Variants in NEDD9 observed in about 807,000 individuals in gnomAD.
The protein encoded by NEDD9 is neural precursor cell expressed, developmentally down-regulated 9, also known as enhancer of filamentation 1.
A neutral mutation model predicts 76.6 loss-of-function variants in NEDD9; 26 were observed. That is an observed-to-expected ratio of 0.34 (90% CI 0.25 to 0.47). The LOEUF (loss-of-function observed/expected upper bound fraction) is 0.47, where lower values mean the gene tolerates loss of function less well. NEDD9 is among the 20% of genes least tolerant of loss of function. NEDD9 has a pLI of 1.00. For missense variants in NEDD9, 937 were observed against 1,058.5 expected, an observed-to-expected ratio of 0.89 and a Z score of 1.59; for synonymous variants, 392 against 414.2, an observed-to-expected ratio of 0.95 and a Z score of 0.65.
At chr6:11,305,648 C>T (rs1023664029) in intron 3 of NEDD9, among the ~76,000 whole-genome samples, 7 of 152,138 alleles carry the variant, frequency 4.6e-5, no homozygotes, top group Non-Finnish European at 7.3e-5. Flanking sequence ...TATTTCCAAA[C>T]GTGGGCAATC....
intron 1 of NEDD9, among the ~76,000 whole-genome samples, chr6:11,373,358 A>C (rs956752238): frequency 6.6e-6 from 1 of 152,228 alleles, no homozygotes; most frequent in Non-Finnish European, 1.5e-5. Flanking sequence ...TTTAGACCTG[A>C]GGTCCTCAGT....
At chr6:11,317,761 A>G (rs1761619128) in intron 2 of NEDD9, among the ~76,000 whole-genome samples, 1 of 152,200 alleles carries the variant, frequency 6.6e-6, no homozygotes, top group African/African-American at 2.4e-5. Flanking sequence ...TGCACCCGAG[A>G]ACAGGAAGGC....
At position 11,370,544 on chromosome 6, in the gene NEDD9, C is replaced by A. The variant is rs1762857391; in HGVS notation, c.-214+11595G>T. Among the ~76,000 whole-genome samples the A allele has an allele frequency of 6.6e-6, 1 of 152,160 alleles. No individual in the cohort carries two copies. The highest frequency in any genetic ancestry group is 2.4e-5 in the African/African-American group (1 of 41,434). ...GGCTCTCCTCAAGCCGCCTTTTCTT[C>A]CCCTCACAATCTCCTCATGCTTTTC... On this transcript the variant is annotated intron_variant, in intron 1 of 3. Coordinates refer to the NEDD9 transcript ENST00000397378. This position sits in a 1 kb window ranked among gnomAD's most constrained non-coding sequence, Gnocchi z 4.2.
rs946975540 is a variant in NEDD9, at chr6:11,316,964, A to C, written c.-152-10809T>G. On this transcript the variant is annotated intron_variant, in intron 2 of 3. Transcript: ENST00000397378. ...TGGTGAATTTGAATGCGGCATGTTA[A>C]GTTCCAGTTTCATGTGGAGACTATC... is the stretch of plus-strand genomic sequence containing the variant. Among the ~76,000 whole-genome samples, 3 of 152,242 alleles carry C rather than the reference A, an allele frequency of 2.0e-5. 1 individual carries two copies. The East Asian group carries it at 5.8e-4, about 29-fold the overall frequency.
At chr6:11,298,146 T>G (rs560404429) in intron 3 of NEDD9, among the ~76,000 whole-genome samples, 84 of 152,014 alleles carry the variant, frequency 5.5e-4, no homozygotes, top group Non-Finnish European at 1.1e-3. Context: ...GACCTCAACT[T>G]ATCTGCCCGC....
intron 2 of NEDD9, among the ~76,000 whole-genome samples, chr6:11,312,634 A>T (rs1764436287): frequency 6.6e-6 from 1 of 150,678 alleles, no homozygotes; most frequent in Admixed American, 6.6e-5. Context: ...AATATTATGG[A>T]ATTACTATGG....
chr6:11,359,965 ATT>A (rs1341818083), intron 1 of NEDD9, among the ~76,000 whole-genome samples: 1 of 152,254 alleles, frequency 6.6e-6, no homozygotes, highest in Non-Finnish European at 1.5e-5. Flanking sequence ...ATCTTCTGAA[ATT>A]TCTGCCTATA....
intron 1 of NEDD9, among the ~76,000 whole-genome samples, chr6:11,371,771 T>G (rs180888539): frequency 6.6e-6 from 1 of 152,356 alleles, no homozygotes; most frequent in East Asian, 1.9e-4. Context: ...TACCTAAAAC[T>G]TTAATTGGAT....
At chr6:11,278,523 A>G in intron 3 of NEDD9, among the ~76,000 whole-genome samples, 1 of 152,248 alleles carries the variant, frequency 6.6e-6, no homozygotes, top group East Asian at 1.9e-4. Flanking sequence ...TTGCTGAGGT[A>G]CAGCTAAGAA....
intron 2 of NEDD9, among the ~76,000 whole-genome samples, chr6:11,194,587 C>G (rs1758244199): frequency 6.6e-6 from 1 of 152,140 alleles, no homozygotes; most frequent in African/African-American, 2.4e-5. Flanking sequence ...TCTAACGTAT[C>G]AAACAAACAA....
intron 1 of NEDD9, among the ~76,000 whole-genome samples, chr6:11,381,069 A>T (rs1763055517): frequency 6.6e-6 from 1 of 152,254 alleles, no homozygotes; most frequent in African/African-American, 2.4e-5. Flanking sequence ...CTAGCTAAAC[A>T]CTGATTTCAC....
At chr6:11,234,818 C>T (rs1252271121), upstream of NEDD9, among the ~76,000 whole-genome samples, 1 of 151,040 alleles carries the variant, frequency 6.6e-6, no homozygotes, top group Non-Finnish European at 1.5e-5. Flanking sequence ...CTGGTTCAAG[C>T]AATTCCCTCA....
chr6:11,366,242 C>T (rs917286071), intron 1 of NEDD9, among the ~76,000 whole-genome samples: 2 of 120,514 alleles, frequency 1.7e-5, no homozygotes, highest in African/African-American at 3.7e-5. Context: ...CGAGATTGTG[C>T]GTGGGTGACA....
At chr6:11,337,552 C>T (rs760824581) in intron 1 of NEDD9, among the ~76,000 whole-genome samples, 1 of 152,120 alleles carries the variant, frequency 6.6e-6, no homozygotes, top group Non-Finnish European at 1.5e-5. Flanking sequence ...CATAGTCTTG[C>T]GGGACCACGG....
At chr6:11,357,668 C>T (rs1386399507) in intron 1 of NEDD9, among the ~76,000 whole-genome samples, 1 of 152,218 alleles carries the variant, frequency 6.6e-6, no homozygotes, top group African/African-American at 2.4e-5. Context: ...TTTTCAGGCG[C>T]TTGCTTCGGT....
intron 3 of NEDD9, among the ~76,000 whole-genome samples, chr6:11,283,544 C>T (rs1457865558): frequency 6.6e-6 from 1 of 152,164 alleles, no homozygotes; most frequent in Non-Finnish European, 1.5e-5. Flanking sequence ...GAGTTTTCCT[C>T]TCTAGCAATA....
chr6:11,352,787 A>G (rs1398409748), intron 1 of NEDD9: 2 of 152,260 alleles, frequency 1.3e-5, no homozygotes, highest in African/African-American at 2.4e-5. Flanking sequence ...ATGCCTATTA[A>G]AAACAGAAGT....
upstream of NEDD9, among the ~76,000 whole-genome samples, chr6:11,234,851 C>G (rs1759566340): frequency 6.6e-6 from 1 of 151,624 alleles, no homozygotes; most frequent in Admixed American, 6.6e-5. Context: ...GCTGGGATTA[C>G]ATGTGTCTGC....
chr6:11,285,139 G>A (rs1466280639), intron 3 of NEDD9, among the ~76,000 whole-genome samples: 1 of 152,134 alleles, frequency 6.6e-6, no homozygotes, highest in Non-Finnish European at 1.5e-5. Context: ...GCTTTTTATA[G>A]TCCCTGCATT....
Sources: allele counts gnomAD v4.1 joint callset (sites outside exome capture counted in the v4.1 genomes callset), GRCh38; gene constraint gnomAD v4.1.1; non-coding constraint Gnocchi (gnomAD v3.1); transcripts MANE v1.5; gene names NCBI Gene and HGNC (gene_info 2026-07-23, HGNC 2026-07-21).